Variants in DRP2 observed in about 807,000 individuals in gnomAD.
The protein encoded by DRP2 is dystrophin related protein 2.
DRP2 carries 29 observed loss-of-function variants against 78.2 expected under a neutral mutation model. The ratio of observed to expected loss-of-function variants is 0.37; its 90% confidence interval spans 0.28 to 0.51. DRP2 has a LOEUF of 0.51. DRP2 is among the 20% of genes least tolerant of loss of function. The probability of loss-of-function intolerance (pLI) is 0.94; values close to 1 mark genes in which losing one functional copy is unlikely to be tolerated. For missense variants in DRP2, 686 were observed against 770.6 expected, an observed-to-expected ratio of 0.89 and a Z score of 1.30; for synonymous variants, 290 against 281.9, an observed-to-expected ratio of 1.03 and a Z score of -0.29.
rs908095951 is a variant in DRP2 at position 101,233,909 on chromosome X, G to A, written c.118-1951G>A. ...GTACAGCGAGAGGTCTGAGGGCTAT[G>A]GCTCTCCCTCCACTCCTCTCTGCCT... On this transcript the variant is annotated intron_variant, in intron 3 of 23. Transcript: ENST00000395209. Among the ~76,000 whole-genome samples the A allele has an allele frequency of 5.5e-4, 62 of 111,901 alleles. 2 individuals carry two copies. The highest frequency in any genetic ancestry group is 1.1e-3 in the Non-Finnish European group (59 of 53,061).
rs767023589 is a variant in DRP2 at position 101,260,068 on chromosome X, G to A, written c.2648G>A (p.Gly883Asp). The change falls in exon 23 of 24, where the codon GGC becomes GAC. Residue 883 changes from glycine to aspartate, a missense_variant. Physicochemically the swap from Gly to Asp is moderately conservative, Grantham distance 94. Coordinates refer to ENST00000395209, the MANE Select transcript of DRP2 (RefSeq NM_001939.3). ...TGCTAGCCACCCACCGAATCAGATG[G>A]CAGTGGCTCTGCAGGCTCGTCCCTA... is the stretch of plus-strand genomic sequence containing the variant. The part of the protein sequence containing the change: ...LLLQPPTESD[G>D]SGSAGSSLAS... 8.3e-7 allele frequency: 1 copy of A among 1,211,412 alleles called. No individual in the cohort carries two copies. Among genetic ancestry groups the A allele is most frequent in the Non-Finnish European group, 1.1e-6 (1 of 895,394 alleles).
chrX:101,234,203 G>A (rs1318060952), intron 3 of DRP2, among the ~76,000 whole-genome samples: 1 of 112,930 alleles, frequency 8.9e-6, no homozygotes, highest in Non-Finnish European at 1.9e-5. Flanking sequence ...TGTCACCAAA[G>A]TGGTCTGATC....
chrX:101,223,105 C>T (rs905649865), intron 1 of DRP2, among the ~76,000 whole-genome samples: 1 of 110,998 alleles, frequency 9.0e-6, no homozygotes, highest in African/African-American at 3.3e-5. Context: ...CAGTCTCGAG[C>T]TCCTGGGCTG....
chrX:101,260,836 A>G lies in DRP2; in HGVS notation c.*215A>G, dbSNP rs964691908. 3.1e-5 allele frequency: 12 copies of G among 380,986 alleles called. No homozygotes were observed. Among genetic ancestry groups the G allele is most frequent in the African/African-American group, 2.6e-4 (10 of 38,227 alleles). 31.4% of individuals were successfully genotyped at this position (380,986 alleles called of 1,213,427 possible). On this transcript the variant is annotated 3_prime_UTR_variant, in exon 24 of 24. Coordinates refer to ENST00000395209, the MANE Select transcript of DRP2 (RefSeq NM_001939.3). ...AGGCATGATTCTTCTGACCCTAGAA[A>G]TGTTCCCTTTAATCTTCAAGTTCGA...
intron 1 of DRP2, among the ~76,000 whole-genome samples, chrX:101,222,050 TG>T (rs1921910747): frequency 9.0e-6 from 1 of 111,683 alleles, no homozygotes; most frequent in Admixed American, 9.5e-5. Context: ...TTAAAATAAG[TG>T]TTGGGGGTGT....
intron 22 of DRP2, among the ~76,000 whole-genome samples, chrX:101,259,297 T>A (rs1442881790): frequency 1.8e-5 from 2 of 111,571 alleles, no homozygotes; most frequent in Non-Finnish European, 3.8e-5. Context: ...AAAATACCAC[T>A]CTTCTGCCTC....
chrX:101,258,482 T>C lies in DRP2; in HGVS notation c.2564T>C (p.Ile855Thr), dbSNP rs1418082282. ...HKSRLETRMQ[I>T]LEDHNKQLES... is the part of the protein sequence containing the mutation. ...AGCCGCCTGGAGACGCGCATGCAGATCCTCGAAGATCACAACAAGCAGCTA... is the reference window on the plus strand; with the variant it reads ...AGCCGCCTGGAGACGCGCATGCAGACCCTCGAAGATCACAACAAGCAGCTA... The change falls in exon 22 of 24, where the codon ATC becomes ACC. Residue 855 changes from isoleucine (I) to threonine (T), a missense_variant. Around this residue, in one of 2 missense-constraint regions of DRP2, gnomAD observed 423 missense variants for 531.5 expected, o/e 0.80. Transcript: ENST00000395209. The C allele has an allele frequency of 9.2e-6, 11 of 1,192,457 alleles. No individual in the cohort carries two copies. In the Admixed American group the frequency reaches 2.1e-4, roughly 23 times the overall value.
intron 17 of DRP2, among the ~76,000 whole-genome samples, chrX:101,253,993 A>T (rs1923244284): frequency 1.8e-5 from 2 of 110,477 alleles, no homozygotes; most frequent in Admixed American, 9.7e-5. Context: ...TTAAAGTATA[A>T]AAAAAAGGCT....
intron 21 of DRP2, 65 bp downstream of exon 21, chrX:101,256,326 G>A (rs1923336234): frequency 9.6e-7 from 1 of 1,040,750 alleles, no homozygotes; most frequent in Non-Finnish European, 1.3e-6. Flanking sequence ...TTTAAGTCCA[G>A]GCACTTCTAC....
Position 101,233,891 on chromosome X carries a change from G to A in DRP2, c.118-1969G>A, listed in dbSNP as rs866565875. Among the ~76,000 whole-genome samples the A allele has an allele frequency of 1.8e-4, 20 of 111,817 alleles. 1 individual carries two copies. The highest frequency in any genetic ancestry group is 5.5e-4 in the African/African-American group (17 of 30,763). On this transcript the variant is annotated intron_variant, in intron 3 of 23. Coordinates refer to ENST00000395209, the MANE Select transcript of DRP2 (RefSeq NM_001939.3). ...TTTCCCTTTGGCCTCAGGGTACAGC[G>A]AGAGGTCTGAGGGCTATGGCTCTCC...
chrX:101,252,411 A>G (rs1159679302), intron 16 of DRP2, among the ~76,000 whole-genome samples, 194 bp from the exon 17 acceptor site: 1 of 112,221 alleles, frequency 8.9e-6, no homozygotes, highest in African/African-American at 3.2e-5. Flanking sequence ...ATAGAGATTT[A>G]TGGTCTCTAG....
chrX:101,255,342 G>C, intron 20 of DRP2, 93 bp downstream of exon 20: 1 of 909,977 alleles, frequency 1.1e-6, no homozygotes, highest in Non-Finnish European at 1.6e-6. Context: ...AGGGAATGGG[G>C]GTGTGTGGTG....
At chrX:101,237,099 T>C (rs1054233579) in intron 4 of DRP2, among the ~76,000 whole-genome samples, 2 of 111,871 alleles carry the variant, frequency 1.8e-5, no homozygotes, top group Admixed American at 9.4e-5. Context: ...AGGACTGTTA[T>C]ATTCGTATGC....
intron 11 of DRP2, 152 bp from the exon 12 acceptor site, chrX:101,246,938 C>G (rs1342890786): frequency 2.3e-6 from 1 of 426,951 alleles, no homozygotes; most frequent in Non-Finnish European, 4.0e-6. Flanking sequence ...TTCACACTTT[C>G]ACTGGCAGTT....
At chrX:101,240,704 G>A (rs749544467) in intron 6 of DRP2, among the ~76,000 whole-genome samples, 9 of 112,392 alleles carry the variant, frequency 8.0e-5, no homozygotes, top group Non-Finnish European at 1.5e-4. Context: ...GAGATGGATT[G>A]TGAATAGCCT....
At position 101,237,795 on chromosome X, in the gene DRP2, G is replaced by A; in HGVS notation, c.438+20G>A. 1 of 1,107,637 alleles carries A rather than the reference G, an allele frequency of 9.0e-7. No individual in the cohort carries two copies. The highest frequency in any genetic ancestry group is 1.2e-6 in the Non-Finnish European group (1 of 835,691). The allele number at this position is 1,107,637 out of a possible 1,213,427, so 91.3% of individuals were successfully genotyped here. On this transcript the variant is annotated intron_variant, in intron 5 of 23. Coordinates refer to ENST00000395209, the MANE Select transcript of DRP2 (RefSeq NM_001939.3). ...CATGCGGTAGGTTAGAATCAGAGAA[G>A]CCGTGGTGTGTAGCCTCTCAGCTGG...
intron 2 of DRP2, among the ~76,000 whole-genome samples, chrX:101,225,417 G>C (rs1458409212): frequency 4.5e-5 from 5 of 111,057 alleles, no homozygotes; most frequent in African/African-American, 9.8e-5. Flanking sequence ...CAACTGCCTG[G>C]GTACAAATCC....
chrX:101,247,307 G>T (rs1922966401), intron 12 of DRP2, 143 bp downstream of exon 12: 1 of 502,582 alleles, frequency 2.0e-6, no homozygotes, highest in Admixed American at 4.0e-5. Flanking sequence ...CAATATGCTA[G>T]CTGTCAACTT....
At chrX:101,235,824 A>T (rs756134322) in intron 3 of DRP2, 36 bp from the exon 4 acceptor site, 1 of 1,184,919 alleles carries the variant, frequency 8.4e-7, no homozygotes, top group African/African-American at 1.8e-5. Context: ...GTGTGGCACA[A>T]TCCAAGGATC....
Sources: gnomAD v4.1 joint callset for allele counts (sites outside exome capture counted in the v4.1 genomes callset) on GRCh38, gnomAD v4.1.1 for gene constraint, gnomAD v4.1.1 regional missense constraint, MANE v1.5 for transcripts, NCBI Gene and HGNC (gene_info 2026-07-23, HGNC 2026-07-21) for gene names.